SLC23A1: variants seen among roughly 807,000 people sequenced by gnomAD.
SLC23A1 encodes solute carrier family 23 member 1, also known as Na(+)/L-ascorbic acid transporter 1.
In SLC23A1, 31 loss-of-function variants were observed where a neutral mutation model predicts 62.5. That is an observed-to-expected ratio of 0.50 (90% CI 0.37 to 0.67). SLC23A1 has a LOEUF of 0.67. Ranked by LOEUF, SLC23A1 falls within the 30% of genes least tolerant of loss-of-function variation. The pLI is 0.00. For missense variants in SLC23A1, 640 were observed against 782.7 expected (o/e 0.82, Z 2.18); for synonymous variants, 271 against 313.2 (o/e 0.87, Z 1.42).
chr5:139,371,992 C>T lies in SLC23A1; in HGVS notation c.*14G>A, dbSNP rs1272133136. 1 of 1,611,742 alleles carries T rather than the reference C, an allele frequency of 6.2e-7. No individual in the cohort carries two copies. Among genetic ancestry groups the T allele is most frequent in the South Asian group, 1.1e-5 (1 of 90,966 alleles). Reference sequence around the variant, plus strand: ...AAACCATAGACACATCCTACCTTTCCTGGAAGTCATTTTTCAGACCTTGGT... The same window carrying T: ...AAACCATAGACACATCCTACCTTTCTTGGAAGTCATTTTTCAGACCTTGGT... On this transcript the variant is annotated 3_prime_UTR_variant, in exon 14 of 15. Transcript: ENST00000348729.
rs773304549 is a variant in SLC23A1, at chr5:139,378,136, C to G, written c.1310-18G>C. On this transcript the variant is annotated intron_variant, in intron 11 of 14. Coordinates refer to ENST00000348729, the MANE Select transcript of SLC23A1 (RefSeq NM_005847.5). This position sits in a 1 kb window ranked among gnomAD's most constrained non-coding sequence, Gnocchi z 4.5. ...AATCATGCCTAAGGGCGCAAGAGAA[C>G]GGCTGGAGGCGCCGCACACGCGTAA... The G allele has an allele frequency of 1.2e-6, 2 of 1,614,080 alleles. No individual in the cohort carries two copies. Among genetic ancestry groups the G allele is most frequent in the Non-Finnish European group, 1.7e-6 (2 of 1,179,984 alleles).
chr5:139,373,264 G>C (rs1237488845), intron 13 of SLC23A1, among the ~76,000 whole-genome samples: 1 of 149,622 alleles, frequency 6.7e-6, no homozygotes, highest in African/African-American at 2.5e-5. Flanking sequence ...TGCAACCTCT[G>C]CCTCCCAGAT....
chr5:139,377,190 C>T (rs768112965), intron 13 of SLC23A1, among the ~76,000 whole-genome samples: 92 of 152,108 alleles, frequency 6.0e-4, no homozygotes, highest in Non-Finnish European at 1.2e-3. Flanking sequence ...GTGACTCTTC[C>T]GGCCCCATCC....
intron 2 of SLC23A1, 27 bp from the exon 3 acceptor site, chr5:139,382,076 A>T: frequency 6.3e-7 from 1 of 1,594,784 alleles, no homozygotes. Context: ...AGCAGAGTGC[A>T]TGAGGCAGGA....
At chr5:139,368,785 A>T (rs1757464898) in intron 14 of SLC23A1, 1 of 1,612,482 alleles carries the variant, frequency 6.2e-7, no homozygotes, top group Non-Finnish European at 8.5e-7. Flanking sequence ...GGGGTGAAGT[A>T]CGGAAATATT....
In SLC23A1 at chr5:139,379,618, G is replaced by A. The variant is rs963465363; in HGVS notation, c.925+60C>T. ...GTCACCTGCTGGATTGGGGTCACCA[G>A]GAGTCTGTCTCATAGGTGGTCTCAG... On this transcript the variant is annotated intron_variant, in intron 8 of 14. Coordinates refer to ENST00000348729, the MANE Select transcript of SLC23A1 (RefSeq NM_005847.5). The surrounding 1 kb of genome is among the most constrained non-coding windows in gnomAD (Gnocchi z 4.7). The A allele has an allele frequency of 2.0e-6, 3 of 1,492,260 alleles. No homozygotes were observed. Among genetic ancestry groups the A allele is most frequent in the Non-Finnish European group, 1.8e-6 (2 of 1,086,890 alleles). 92.4% of individuals were successfully genotyped at this position (1,492,260 alleles called of 1,614,324 possible). A position where few individuals can be genotyped will look rare whatever the true frequency, so the allele number is the denominator to read the frequency against.
rs559445280 is a variant in SLC23A1 at position 139,371,995 on chromosome 5, G to A, written c.*11C>T. ...CCATAGACACATCCTACCTTTCCTG[G>A]AAGTCATTTTTCAGACCTTGGTGCA... On this transcript the variant is annotated 3_prime_UTR_variant, in exon 14 of 15. Transcript: ENST00000348729. The A allele has an allele frequency of 1.2e-6, 2 of 1,611,846 alleles. No individual in the cohort carries two copies. The highest frequency in any genetic ancestry group is 1.7e-5 in the Admixed American group (1 of 59,848).
chr5:139,368,784 T>A, intron 14 of SLC23A1: 1 of 1,612,626 alleles, frequency 6.2e-7, no homozygotes, highest in Non-Finnish European at 8.5e-7. Flanking sequence ...TGGGGTGAAG[T>A]ACGGAAATAT....
intron 4 of SLC23A1, 67 bp downstream of exon 4, chr5:139,380,731 G>A: frequency 6.8e-7 from 1 of 1,462,150 alleles, no homozygotes; most frequent in Non-Finnish European, 9.6e-7. Flanking sequence ...ACCCGGGACA[G>A]TTGCTCAGAC....
At chr5:139,380,661 G>C in intron 4 of SLC23A1, 29 bp from the exon 5 acceptor site, 1 of 1,566,624 alleles carries the variant, frequency 6.4e-7, no homozygotes, top group Non-Finnish European at 8.8e-7. Flanking sequence ...ATACACACAC[G>C]GACCAGGTAC....
rs376252653 is a variant in SLC23A1, at chr5:139,377,926, A to G, written c.1453+49T>C. The G allele has an allele frequency of 8.1e-4, 1,296 of 1,591,916 alleles. 1 individual carries two copies. Among genetic ancestry groups the G allele is most frequent in the Non-Finnish European group, 1.0e-3 (1,193 of 1,167,574 alleles). On this transcript the variant is annotated intron_variant, in intron 12 of 14. Coordinates refer to ENST00000348729, the MANE Select transcript of SLC23A1 (RefSeq NM_005847.5). ...CCTTTGAGGGAGGGGGCTGTGCTCAAAATTTTGGGCCCACCCCGCCTTTGG... is the reference window on the plus strand; with the variant it reads ...CCTTTGAGGGAGGGGGCTGTGCTCAGAATTTTGGGCCCACCCCGCCTTTGG...
At chr5:139,380,140 A>G in intron 6 of SLC23A1, 64 bp from the exon 7 acceptor site, 3 of 1,565,456 alleles carry the variant, frequency 1.9e-6, no homozygotes, top group Admixed American at 3.9e-5. Flanking sequence ...AGCCGGGAAG[A>G]AGGACCAAGG....
intron 2 of SLC23A1, 158 bp from the exon 3 acceptor site, chr5:139,382,207 G>T: frequency 1.4e-6 from 1 of 691,124 alleles, no homozygotes; most frequent in Non-Finnish European, 2.4e-6. Flanking sequence ...AGCTACTGCT[G>T]ACCACTCTGG....
At chr5:139,377,849 T>A in intron 12 of SLC23A1, 126 bp downstream of exon 12, 1 of 890,190 alleles carries the variant, frequency 1.1e-6, no homozygotes, top group Non-Finnish European at 1.7e-6. Flanking sequence ...AGCTCTCAGC[T>A]GCTGGTTGAC....
chr5:139,383,487 C>T (rs1222282276), upstream of SLC23A1: 23 of 653,784 alleles, frequency 3.5e-5, no homozygotes, highest in South Asian at 1.4e-4. Context: ...CCCACATCTG[C>T]GCCTGGGCGC....
Position 139,377,397 on chromosome 5 carries a change from C to G in SLC23A1, c.1549+5G>C, listed in dbSNP as rs758864713. On this transcript the variant is annotated splice_donor_5th_base_variant and intron_variant, in intron 13 of 14. Transcript: ENST00000348729. ...CTTCATTCCCCTCCCAGGACCGAAC[C>G]ATACCTGGCACTGTGTTGTCAAGTA... is the stretch of plus-strand genomic sequence containing the variant. 8 of 1,541,612 alleles carry G rather than the reference C, an allele frequency of 5.2e-6. No individual in the cohort carries two copies. The South Asian group carries it at 8.9e-5, about 17-fold the overall frequency.
chr5:139,382,806 A>T (rs1758344041), intron 1 of SLC23A1, among the ~76,000 whole-genome samples: 1 of 152,162 alleles, frequency 6.6e-6, no homozygotes, highest in East Asian at 1.9e-4. Context: ...TCCCGCAGGG[A>T]TGAGTCTACT....
chr5:139,373,353 A>T (rs575111842), intron 13 of SLC23A1, among the ~76,000 whole-genome samples: 62 of 151,954 alleles, frequency 4.1e-4, no homozygotes, highest in Non-Finnish European at 7.7e-4. Context: ...AATTACTGTA[A>T]TTTTAATAGA....
At chr5:139,374,608 C>T (rs1400371128) in intron 13 of SLC23A1, among the ~76,000 whole-genome samples, 1 of 152,162 alleles carries the variant, frequency 6.6e-6, no homozygotes, top group East Asian at 1.9e-4. Flanking sequence ...GTGACAACCC[C>T]CCTGAGCTTT....
Sources: allele counts gnomAD v4.1 joint callset (sites outside exome capture counted in the v4.1 genomes callset), GRCh38; gene constraint gnomAD v4.1.1; non-coding constraint Gnocchi (gnomAD v3.1); transcripts MANE v1.5; gene names NCBI Gene and HGNC (gene_info 2026-07-23, HGNC 2026-07-21).